The following SPIC variants were observed in gnomAD, a reference collection of about 807,000 sequenced individuals.
The protein encoded by SPIC is transcription factor Spi-C.
A neutral mutation model predicts 16.7 loss-of-function variants in SPIC; 9 were observed. The ratio of observed to expected loss-of-function variants is 0.54; its 90% CI spans 0.33 to 0.94. The LOEUF (loss-of-function observed/expected upper bound fraction) is 0.94. SPIC is among the 40% of genes least tolerant of loss of function. SPIC has a pLI of 0.03. For missense variants in SPIC, 241 were observed against 285.8 expected (o/e 0.84, Z 1.13); for synonymous variants, 97 against 102.9 (o/e 0.94, Z 0.35).
intron 5 of SPIC, among the ~76,000 whole-genome samples, chr12:101,483,571 T>C (rs1873275862): frequency 6.6e-6 from 1 of 152,152 alleles, no homozygotes; most frequent in Non-Finnish European, 1.5e-5. Flanking sequence ...ATATATACAG[T>C]AGATACTAGG....
At chr12:101,479,219 A>AGAAAGAAAGAAAGAAAGAAAGAAAG (rs1491303702) in intron 3 of SPIC, among the ~76,000 whole-genome samples, 7 of 83,262 alleles carry the variant, frequency 8.4e-5, no homozygotes, top group African/African-American at 2.2e-4. Flanking sequence ...AAAGAAAGAA[A>AGAAAGAAAGAAAGAAAGAAAGAAAG]GAAGGAAAGA....
At chr12:101,483,025 G>T in intron 5 of SPIC, 125 bp downstream of exon 5, 2 of 712,234 alleles carry the variant, frequency 2.8e-6, no homozygotes, top group East Asian at 2.8e-5. Flanking sequence ...ACATTTGAGA[G>T]TAATTTAACT....
chr12:101,479,219 A>AGAAAGAAAGAAAGAAAGGAAG (rs1491303702), intron 3 of SPIC, among the ~76,000 whole-genome samples: 1 of 83,262 alleles, frequency 1.2e-5, no homozygotes, highest in African/African-American at 3.7e-5. Context: ...AAAGAAAGAA[A>AGAAAGAAAGAAAGAAAGGAAG]GAAGGAAAGA....
rs5800473 is a variant in SPIC, at chr12:101,479,307, A to AAAAGAAAGAAAGAAAGAAAG, written c.98-243_98-224dup. On this transcript the variant is annotated intron_variant, in intron 3 of 5. Coordinates refer to ENST00000551346, the MANE Select transcript of SPIC (RefSeq NM_152323.3). ...GAAAAAGAAAGAAAGAAAGAAAGAAAAAAGAAAGAAAGAAAGAAAGAAAGA... is the reference window on the plus strand; with the variant it reads ...GAAAAAGAAAGAAAGAAAGAAAGAAAAAAGAAAGAAAGAAAGAAAGAAAGAAAGAAAGAAAGAAAGAAAGA... Among the ~76,000 whole-genome samples, 92 of 88,206 alleles carry AAAAGAAAGAAAGAAAGAAAG rather than the reference A, an allele frequency of 1.0e-3. 3 individuals carry two copies. Among genetic ancestry groups the AAAAGAAAGAAAGAAAGAAAG allele is most frequent in the Admixed American group, 2.5e-3 (22 of 8,808 alleles). 57.9% of individuals were successfully genotyped at this position (88,206 alleles called of 152,430 possible).
rs538517604 is a variant in SPIC at position 101,476,008 on chromosome 12, A to G, written c.-78+506A>G. Among the ~76,000 whole-genome samples, 3 of 152,300 alleles carry G rather than the reference A, an allele frequency of 2.0e-5. No individual in the cohort carries two copies. The South Asian group carries it at 6.2e-4, about 32-fold the overall frequency. On this transcript the variant is annotated intron_variant, in intron 1 of 5. Transcript: ENST00000551346. ...GCATTAGATTACATCATCTCATTTT[A>G]TTATTCAAAGTTAAACACTAAAGAG...
intron 3 of SPIC, 78 bp downstream of exon 3, chr12:101,477,729 T>C: frequency 7.8e-7 from 1 of 1,284,538 alleles, no homozygotes; most frequent in Non-Finnish European, 1.1e-6. Flanking sequence ...AGAATAATGA[T>C]CAGCTGACCA....
In SPIC at chr12:101,477,648, C is replaced by T. The variant is rs1049641515; in HGVS notation, c.94C>T (p.Pro32Ser). ...TTCAACTGGAGATCTTCAGTACTCG[C>T]CAGGTAAAGATGAGTCATTTACCCT... ...QHSTGDLQYSPDYRNYLALIN... is the reference protein window; with the variant it reads ...QHSTGDLQYSSDYRNYLALIN... The change falls in exon 3 of 6, where the codon CCA becomes TCA. Residue 32 changes from proline to serine, a missense_variant. Physicochemically the swap from Pro to Ser is moderately conservative, Grantham distance 74. Transcript: ENST00000551346. 9.3e-6 allele frequency: 15 copies of T among 1,612,086 alleles called. No homozygotes were observed. Among genetic ancestry groups the T allele is most frequent in the Non-Finnish European group, 1.3e-5 (15 of 1,179,398 alleles).
chr12:101,485,868 C>G (rs138627668), intron 5 of SPIC, among the ~76,000 whole-genome samples: 1 of 152,332 alleles, frequency 6.6e-6, no homozygotes, highest in Non-Finnish European at 1.5e-5. Context: ...ACTGCAGCCT[C>G]CACCTCAAAT....
chr12:101,482,827 T>A lies in SPIC; in HGVS notation c.246T>A (p.Ile82=). 1 of 1,614,006 alleles carries A rather than the reference T, an allele frequency of 6.2e-7. No individual in the cohort carries two copies. ...CGGACTTCTATTTTGAAGGAAATAT[T>A]CATCAATCTCTGCAGAACATAACTG... ...SAADFYFEGN[I]HQSLQNITEN... Residue 82 remains isoleucine (I), a synonymous_variant, in exon 5 of 6, where the codon ATT becomes ATA. Transcript: ENST00000551346.
intron 4 of SPIC, among the ~76,000 whole-genome samples, chr12:101,481,616 TCTC>T (rs1171147986): frequency 1.3e-5 from 2 of 151,116 alleles, no homozygotes; most frequent in East Asian, 4.0e-4. Flanking sequence ...TTCAAGCGAT[TCTC>T]CTGCCTCAGC....
intron 5 of SPIC, among the ~76,000 whole-genome samples, chr12:101,486,007 T>A (rs1415807772): frequency 1.3e-5 from 2 of 152,204 alleles, no homozygotes; most frequent in Non-Finnish European, 2.9e-5. Context: ...TTTCACCATA[T>A]TGGCCAGGCT....
At chr12:101,476,248 A>G (rs1872955010) in intron 1 of SPIC, among the ~76,000 whole-genome samples, 1 of 152,150 alleles carries the variant, frequency 6.6e-6, no homozygotes, top group African/African-American at 2.4e-5. Flanking sequence ...TTGTTTCTCT[A>G]AAGCAAAATC....
intron 2 of SPIC, among the ~76,000 whole-genome samples, chr12:101,477,154 T>C (rs1297677211): frequency 6.6e-6 from 1 of 152,200 alleles, no homozygotes. Context: ...GCCCTTTTTT[T>C]CTAAATCACT....
At chr12:101,478,668 T>C (rs527727004) in intron 3 of SPIC, among the ~76,000 whole-genome samples, 10 of 152,348 alleles carry the variant, frequency 6.6e-5, no homozygotes, top group African/African-American at 2.4e-4. Context: ...GCTTTTAAAT[T>C]GTTCCAATGA....
At chr12:101,483,923 C>T (rs1364499396) in intron 5 of SPIC, among the ~76,000 whole-genome samples, 2 of 152,054 alleles carry the variant, frequency 1.3e-5, no homozygotes, top group East Asian at 3.9e-4. Context: ...AGGCAGCCCC[C>T]CCGAACCAAA....
At chr12:101,482,359 C>T (rs1014862476) in intron 4 of SPIC, among the ~76,000 whole-genome samples, 6 of 152,080 alleles carry the variant, frequency 3.9e-5, no homozygotes, top group African/African-American at 2.4e-5. Context: ...CATGAGCCAC[C>T]GTGCTCGGCC....
At chr12:101,477,722 A>G in intron 3 of SPIC, 71 bp downstream of exon 3, 5 of 1,340,196 alleles carry the variant, frequency 3.7e-6, no homozygotes, top group South Asian at 1.2e-5. Context: ...ACATATAAGA[A>G]TAATGATCAG....
chr12:101,479,513 T>TAC, intron 3 of SPIC, 69 bp from the exon 4 acceptor site: 1 of 1,192,884 alleles, frequency 8.4e-7, no homozygotes, highest in Non-Finnish European at 1.2e-6. Flanking sequence ...TGCATATATA[T>TAC]ACACACATAT....
At chr12:101,484,267 C>T (rs1042792049) in intron 5 of SPIC, among the ~76,000 whole-genome samples, 8 of 151,956 alleles carry the variant, frequency 5.3e-5, no homozygotes, top group African/African-American at 1.9e-4. Context: ...GGCATGGTGG[C>T]TCATGCCTGT....
Sources: allele counts gnomAD v4.1 joint callset (sites outside exome capture counted in the v4.1 genomes callset), GRCh38; gene constraint gnomAD v4.1.1; transcripts MANE v1.5; gene names NCBI Gene and HGNC (gene_info 2026-07-23, HGNC 2026-07-21).